Variants in GLI3 observed in about 807,000 individuals in gnomAD.
GLI3 encodes transcription activator GLI3.
Under a neutral mutation model 100.8 loss-of-function variants are expected in GLI3, and 20 were observed. The observed-to-expected ratio is 0.20, with a 90% CI of 0.14 to 0.29. The LOEUF (loss-of-function observed/expected upper bound fraction) is 0.29. GLI3 is among the 10% of genes least tolerant of loss of function. GLI3 has a pLI of 1.00. For missense variants in GLI3, 2,040 were observed against 2,128.5 expected (o/e 0.96, Z 0.82); for synonymous variants, 938 against 860.5 (o/e 1.09, Z -1.58).
At chr7:41,985,596 C>T (rs936033237) in intron 10 of GLI3, among the ~76,000 whole-genome samples, 3 of 152,074 alleles carry the variant, frequency 2.0e-5, no homozygotes, top group Non-Finnish European at 4.4e-5. Flanking sequence ...TATATTAAAA[C>T]TGATTTGCAA....
At position 42,001,678 on chromosome 7, in the gene GLI3, G is replaced by T. The variant is rs191120938; in HGVS notation, c.1497+21790C>A. 8.2e-4 allele frequency among the ~76,000 whole-genome samples: 125 copies of T among 152,260 alleles called. 1 individual carries two copies. The highest frequency in any genetic ancestry group is 2.8e-3 in the African/African-American group (115 of 41,540). On this transcript the variant is annotated intron_variant, in intron 10 of 14. Transcript: ENST00000395925. ...AAGCCATTGCATGAGGGAACCCAGC[G>T]TTGAAGTCAACTAACACACAGGGCA...
chr7:42,212,888 C>T (rs1181777556), intron 2 of GLI3, among the ~76,000 whole-genome samples: 2 of 152,228 alleles, frequency 1.3e-5, no homozygotes, highest in Non-Finnish European at 2.9e-5. Context: ...CATTCCAGAG[C>T]AGCCCAACAC....
chr7:41,983,350 C>T (rs1787727674), intron 10 of GLI3, among the ~76,000 whole-genome samples: 3 of 151,952 alleles, frequency 2.0e-5, no homozygotes, highest in Non-Finnish European at 4.4e-5. Flanking sequence ...TACATTAGGC[C>T]AAACTTCACT....
intron 3 of GLI3, among the ~76,000 whole-genome samples, chr7:42,112,439 A>C (rs1228200754): frequency 6.6e-6 from 1 of 152,180 alleles, no homozygotes; most frequent in Non-Finnish European, 1.5e-5. Context: ...AGTGAACAAT[A>C]ACTTATTATA....
intron 3 of GLI3, among the ~76,000 whole-genome samples, chr7:42,100,387 G>A (rs1785433311): frequency 6.6e-6 from 1 of 152,172 alleles, no homozygotes; most frequent in South Asian, 2.1e-4. Context: ...AAGCAATCAG[G>A]TTAGATGAGG....
At chr7:42,078,822 C>T (rs1365217690) in intron 3 of GLI3, among the ~76,000 whole-genome samples, 3 of 150,752 alleles carry the variant, frequency 2.0e-5, no homozygotes, top group Non-Finnish European at 2.9e-5. Flanking sequence ...CTCCACCTCC[C>T]GGGTTCACGC....
chr7:42,006,114 AC>A (rs1788452641), intron 10 of GLI3, among the ~76,000 whole-genome samples: 1 of 152,206 alleles, frequency 6.6e-6, no homozygotes, highest in South Asian at 2.1e-4. Flanking sequence ...CAAATTCTAA[AC>A]TAGAATATGG....
chr7:42,165,824 G>A (rs887955309), intron 2 of GLI3, among the ~76,000 whole-genome samples: 1 of 152,112 alleles, frequency 6.6e-6, no homozygotes, highest in Admixed American at 6.5e-5. Flanking sequence ...ATCTAGTCTT[G>A]CAAACAAAGT....
At chr7:42,091,347 A>T (rs1184081220) in intron 3 of GLI3, among the ~76,000 whole-genome samples, 2 of 152,160 alleles carry the variant, frequency 1.3e-5, no homozygotes, top group African/African-American at 4.8e-5. Flanking sequence ...CCCCTACCTC[A>T]CCCAGGCCCT....
chr7:42,006,644 G>T (rs979011642), intron 10 of GLI3, among the ~76,000 whole-genome samples: 1 of 152,226 alleles, frequency 6.6e-6, no homozygotes, highest in East Asian at 1.9e-4. Context: ...TCCTAATTTT[G>T]GGGGCTAGGG....
chr7:42,181,280 G>A (rs1214865300), intron 2 of GLI3, among the ~76,000 whole-genome samples: 1 of 152,146 alleles, frequency 6.6e-6, no homozygotes, highest in African/African-American at 2.4e-5. Flanking sequence ...GACAGCAATG[G>A]GTAACATGAC....
chr7:42,177,257 C>T (rs936380392), intron 2 of GLI3, among the ~76,000 whole-genome samples: 4 of 152,046 alleles, frequency 2.6e-5, no homozygotes, highest in African/African-American at 9.7e-5. Flanking sequence ...TGAGAAATAT[C>T]CCCTGATGCA....
chr7:42,050,976 G>A (rs1439967146), intron 4 of GLI3, among the ~76,000 whole-genome samples: 1 of 152,114 alleles, frequency 6.6e-6, no homozygotes, highest in African/African-American at 2.4e-5. Context: ...CTAGGAAGCT[G>A]TTTTCTCCTC....
At chr7:42,015,288 T>C (rs1291909259) in intron 10 of GLI3, among the ~76,000 whole-genome samples, 1 of 152,170 alleles carries the variant, frequency 6.6e-6, no homozygotes, top group Middle Eastern at 3.2e-3. Flanking sequence ...CTGGTTTTAC[T>C]GGTAACTGGG....
rs1336406944 is a variant in GLI3 at position 41,965,500 on chromosome 7, A to C, written c.3573T>G (p.Phe1191Leu). ...PRPAVPQTRA[F>L]GFCNGMVVHP... ...GGACGACCATGCCGTTGCAGAACCC[A>C]AAGGCGCGAGTCTGCGGCACAGCGG... Residue 1191 changes from phenylalanine to leucine, a missense_variant, in exon 15 of 15, where the codon TTT becomes TTG. Phe to Leu is a conservative substitution (Grantham distance 22). Coordinates refer to ENST00000395925, the MANE Select transcript of GLI3 (RefSeq NM_000168.6). The C allele has an allele frequency of 4.4e-6, 7 of 1,608,172 alleles. No individual in the cohort carries two copies. The highest frequency in any genetic ancestry group is 6.0e-6 in the Non-Finnish European group (7 of 1,175,784).
At chr7:42,155,518 T>G (rs556460570) in intron 2 of GLI3, among the ~76,000 whole-genome samples, 1 of 151,886 alleles carries the variant, frequency 6.6e-6, no homozygotes, top group Non-Finnish European at 1.5e-5. Context: ...ATATTTCTAC[T>G]GTTCTTTTTA....
chr7:42,136,414 T>TGA (rs1359754027), intron 3 of GLI3, among the ~76,000 whole-genome samples: 1 of 152,146 alleles, frequency 6.6e-6, no homozygotes, highest in African/African-American at 2.4e-5. Context: ...AAGTGCTAAA[T>TGA]GAGTTTGTGT....
chr7:42,165,962 A>G (rs1280615644), intron 2 of GLI3, among the ~76,000 whole-genome samples: 6 of 152,216 alleles, frequency 3.9e-5, no homozygotes, highest in Non-Finnish European at 8.8e-5. Flanking sequence ...ATTAGTGAAA[A>G]TGGAAGCAAA....
intron 3 of GLI3, among the ~76,000 whole-genome samples, chr7:42,128,152 T>C (rs1040807298): frequency 2.6e-5 from 4 of 152,130 alleles, no homozygotes; most frequent in African/African-American, 9.7e-5. Flanking sequence ...AGGAAGATGT[T>C]TGGAGAAAAA....
Sources: gnomAD v4.1 joint callset for allele counts (sites outside exome capture counted in the v4.1 genomes callset) on GRCh38, gnomAD v4.1.1 for gene constraint, MANE v1.5 for transcripts, NCBI Gene and HGNC (gene_info 2026-07-23, HGNC 2026-07-21) for gene names.